Variants in STK32B observed in about 807,000 individuals in gnomAD.
The protein encoded by STK32B is serine/threonine kinase 32B.
In STK32B, 43 loss-of-function variants were observed where a neutral mutation model predicts 52.6. That is an observed-to-expected ratio of 0.82 (90% CI 0.64 to 1.05). The LOEUF (loss-of-function observed/expected upper bound fraction) is 1.05, where lower values mean the gene tolerates loss of function less well. STK32B is among the 50% of genes least tolerant of loss of function. The pLI is 0.00. For synonymous variants in STK32B, 238 were observed against 204.3 expected (o/e 1.17, Z -1.41); for missense variants, 621 against 534.6 (o/e 1.16, Z -1.59).
At chr4:5,455,099 C>T (rs1349126013) in intron 7 of STK32B, among the ~76,000 whole-genome samples, 1 of 152,176 alleles carries the variant, frequency 6.6e-6, no homozygotes, top group Non-Finnish European at 1.5e-5. Flanking sequence ...GTGTGCACAT[C>T]TGAGGGGGCA....
At chr4:5,306,090 T>C (rs1453572977) in intron 3 of STK32B, among the ~76,000 whole-genome samples, 3 of 152,138 alleles carry the variant, frequency 2.0e-5, no homozygotes, top group African/African-American at 4.8e-5. Flanking sequence ...ATTTTGACTT[T>C]CCTAAATTTG....
intron 1 of STK32B, among the ~76,000 whole-genome samples, chr4:5,091,889 T>C (rs941337782): frequency 1.3e-5 from 2 of 152,236 alleles, no homozygotes; most frequent in African/African-American, 2.4e-5. Flanking sequence ...GAAGTACTGA[T>C]ACATACAGCA....
chr4:5,172,423 C>T (rs1168161068), intron 3 of STK32B, among the ~76,000 whole-genome samples: 1 of 152,002 alleles, frequency 6.6e-6, no homozygotes, highest in Non-Finnish European at 1.5e-5. Flanking sequence ...TTTGTCCATT[C>T]AGTATGATAT....
chr4:5,126,884 G>C (rs1199267478), intron 1 of STK32B, among the ~76,000 whole-genome samples: 1 of 152,156 alleles, frequency 6.6e-6, no homozygotes, highest in Admixed American at 6.5e-5. Context: ...CAGGGTCTGG[G>C]ACCTAATTTG....
In STK32B at chr4:5,359,735, C is replaced by T. The variant is rs369076845; in HGVS notation, c.434+28342C>T. 1.2e-4 allele frequency among the ~76,000 whole-genome samples: 18 copies of T among 152,150 alleles called. 1 individual carries two copies. The highest frequency in any genetic ancestry group is 5.8e-4 in the East Asian group (3 of 5,180). Reference sequence around the variant, plus strand: ...GGGGTGAGGTGGCAACATTTCCAGGCGGAGGTATGGAGGCTCCAAGAGGAA... The same window carrying T: ...GGGGTGAGGTGGCAACATTTCCAGGTGGAGGTATGGAGGCTCCAAGAGGAA... On this transcript the variant is annotated intron_variant, in intron 4 of 11. Transcript: ENST00000282908.
intron 6 of STK32B, among the ~76,000 whole-genome samples, chr4:5,433,555 G>A (rs760585160): frequency 2.6e-5 from 4 of 152,080 alleles, no homozygotes; most frequent in Non-Finnish European, 5.9e-5. Flanking sequence ...TCCTCCATTC[G>A]GACTTGGCTT....
At chr4:5,104,118 T>A (rs1390111870) in intron 1 of STK32B, among the ~76,000 whole-genome samples, 2 of 152,124 alleles carry the variant, frequency 1.3e-5, no homozygotes, top group African/African-American at 4.8e-5. Context: ...CCACCCAAAT[T>A]TCATCTTGAA....
At chr4:5,206,034 G>A (rs1398479077) in intron 3 of STK32B, among the ~76,000 whole-genome samples, 1 of 152,166 alleles carries the variant, frequency 6.6e-6, no homozygotes, top group African/African-American at 2.4e-5. Flanking sequence ...CTTTCCAGCT[G>A]GAAGTTGAAC....
chr4:5,037,767 C>A, the STK32B span, among the ~76,000 whole-genome samples: 3 of 152,192 alleles, frequency 2.0e-5, no homozygotes, highest in Admixed American at 6.5e-5. Flanking sequence ...CATGTTTCAG[C>A]CTGTTTCAGC....
chr4:5,426,574 G>T (rs933705849), intron 6 of STK32B, among the ~76,000 whole-genome samples: 5 of 151,384 alleles, frequency 3.3e-5, no homozygotes, highest in African/African-American at 4.9e-5. Context: ...GGGTGTGGTG[G>T]TGTGCACCTG....
At chr4:5,064,196 T>C (rs1190104149) in intron 1 of STK32B, among the ~76,000 whole-genome samples, 1 of 149,644 alleles carries the variant, frequency 6.7e-6, no homozygotes, top group Non-Finnish European at 1.5e-5. Flanking sequence ...TTGTGGTTTA[T>C]ATTTTGTGTA....
At chr4:5,317,330 A>G (rs1223971440) in intron 3 of STK32B, among the ~76,000 whole-genome samples, 2 of 74,498 alleles carry the variant, frequency 2.7e-5, no homozygotes, top group Non-Finnish European at 3.9e-5. Flanking sequence ...AATATATATT[A>G]CATATATAAT....
At chr4:5,247,836 C>T (rs1416753887) in intron 3 of STK32B, among the ~76,000 whole-genome samples, 1 of 152,006 alleles carries the variant, frequency 6.6e-6, no homozygotes, top group Non-Finnish European at 1.5e-5. Flanking sequence ...CCCATACTGC[C>T]CTATGTCTGA....
chr4:5,069,320 G>A (rs927408075), intron 1 of STK32B, among the ~76,000 whole-genome samples: 5 of 151,656 alleles, frequency 3.3e-5, no homozygotes, highest in African/African-American at 1.2e-4. Flanking sequence ...GGGAGTTTGA[G>A]CCCCACACTT....
chr4:5,326,540 T>C (rs1281725482), intron 3 of STK32B, among the ~76,000 whole-genome samples: 1 of 152,214 alleles, frequency 6.6e-6, no homozygotes, highest in African/African-American at 2.4e-5. Context: ...AGACAGGTCT[T>C]ATTGACATTT....
At chr4:5,415,204 C>T (rs576408915) in intron 5 of STK32B, among the ~76,000 whole-genome samples, 99 of 152,302 alleles carry the variant, frequency 6.5e-4, no homozygotes, top group Admixed American at 1.8e-3. Flanking sequence ...TTATGAGAAG[C>T]TTCTCTACTT....
At chr4:5,435,454 C>T (rs988282864) in intron 6 of STK32B, among the ~76,000 whole-genome samples, 2 of 152,170 alleles carry the variant, frequency 1.3e-5, no homozygotes, top group Non-Finnish European at 2.9e-5. Context: ...CAACTCGCTC[C>T]TTCCTCTGCA....
chr4:5,452,998 C>T (rs1312386933), intron 7 of STK32B, among the ~76,000 whole-genome samples: 1 of 152,016 alleles, frequency 6.6e-6, no homozygotes, highest in Non-Finnish European at 1.5e-5. Context: ...TTAATATTTG[C>T]CAGTCATCTT....
At chr4:5,203,171 T>C (rs112366355) in intron 3 of STK32B, among the ~76,000 whole-genome samples, 3,362 of 152,278 alleles carry the variant, frequency 0.022, 55 homozygotes, top group Middle Eastern at 0.075. Context: ...AATGTATAAA[T>C]AGTGCAGCCT....
Sources: gnomAD v4.1 joint callset for allele counts (sites outside exome capture counted in the v4.1 genomes callset) on GRCh38, gnomAD v4.1.1 for gene constraint, MANE v1.5 for transcripts, NCBI Gene and HGNC (gene_info 2026-07-23, HGNC 2026-07-21) for gene names.